The following SSC5D variants were observed in gnomAD, a reference collection of about 807,000 sequenced individuals.
SSC5D encodes soluble scavenger receptor cysteine-rich domain-containing protein SSC5D.
SSC5D carries 106 observed loss-of-function variants against 104.6 expected under a neutral mutation model. The observed-to-expected ratio is 1.01, with a 90% CI of 0.87 to 1.19. The LOEUF (loss-of-function observed/expected upper bound fraction) is 1.19. Among genes scored for constraint, SSC5D ranks in the 50% most tolerant of loss-of-function variants. SSC5D has a pLI of 0.00. For synonymous variants in SSC5D, 860 were observed against 883.5 expected, an observed-to-expected ratio of 0.97 and a Z score of 0.47; for missense variants, 1,993 against 2,153.8, an observed-to-expected ratio of 0.93 and a Z score of 1.48.
intron 12 of SSC5D, among the ~76,000 whole-genome samples, chr19:55,509,838 G>A (rs147832604): frequency 0.011 from 983 of 86,648 alleles, 14 homozygotes; most frequent in African/African-American, 0.043. Flanking sequence ...CAACAAGAGC[G>A]AAACTCTGTC....
rs568020993 is a variant in SSC5D at position 55,518,747 on chromosome 19, G to A, written c.4471G>A (p.Val1491Met). Residue 1491 changes from valine (V) to methionine (M), a missense_variant, in exon 14 of 14, where the codon GTG (valine) becomes ATG (methionine). By Grantham distance (21) the Val-to-Met change is conservative. Coordinates refer to ENST00000389623, the MANE Select transcript of SSC5D (RefSeq NM_001144950.2). ...CATGGCTTGTGAGCCACCTGCCCTG[G>A]TGGAGCTGGTGGCTGCTGTGAGGGA... ...RVMACEPPAL[V>M]ELVAAVRDVG... is the part of the protein sequence containing the mutation. The A allele has an allele frequency of 9.0e-6, 14 of 1,550,892 alleles. No homozygotes were observed. The highest frequency in any genetic ancestry group is 1.7e-4 in the Middle Eastern group (1 of 5,992).
intron 12 of SSC5D, among the ~76,000 whole-genome samples, chr19:55,509,488 C>A (rs1179893913): frequency 6.6e-6 from 1 of 152,080 alleles, no homozygotes; most frequent in East Asian, 1.9e-4. Flanking sequence ...TAGATTAATA[C>A]CCAGCTGTAT....
At chr19:55,494,497 A>G in intron 7 of SSC5D, 113 bp from the exon 8 acceptor site, 1 of 1,202,140 alleles carries the variant, frequency 8.3e-7, no homozygotes, top group Admixed American at 2.9e-5. Context: ...CGGCAGGAAG[A>G]GATCTCTGCG....
At chr19:55,490,160 C>T in intron 4 of SSC5D, 138 bp from the exon 5 acceptor site, 1 of 612,742 alleles carries the variant, frequency 1.6e-6, no homozygotes, top group Non-Finnish European at 2.9e-6. Context: ...CACAGCCCGC[C>T]CCCTGCCCCG....
At chr19:55,516,081 G>C (rs920529212) in intron 13 of SSC5D, among the ~76,000 whole-genome samples, 1 of 151,614 alleles carries the variant, frequency 6.6e-6, no homozygotes, top group Non-Finnish European at 1.5e-5. Context: ...TGCTACTCAG[G>C]CCCAAAATTT....
At chr19:55,509,556 C>A (rs1008146086) in intron 12 of SSC5D, among the ~76,000 whole-genome samples, 3 of 80,846 alleles carry the variant, frequency 3.7e-5, no homozygotes, top group Non-Finnish European at 4.9e-5. Flanking sequence ...TTATGTGTAT[C>A]TTTTTATTCT....
intron 12 of SSC5D, among the ~76,000 whole-genome samples, chr19:55,504,999 A>G (rs1442138207): frequency 6.7e-6 from 1 of 148,302 alleles, no homozygotes; most frequent in Non-Finnish European, 1.5e-5. Flanking sequence ...GTTTTAAGTG[A>G]TTTCACACGT....
chr19:55,511,850 T>TG (rs985984645), intron 12 of SSC5D, among the ~76,000 whole-genome samples: 1 of 152,136 alleles, frequency 6.6e-6, no homozygotes, highest in African/African-American at 2.4e-5. Flanking sequence ...AGGATCAGTG[T>TG]GGGGGGCCAG....
At position 55,517,398 on chromosome 19, in the gene SSC5D, C is replaced by T. The variant is rs763442154; in HGVS notation, c.3122C>T (p.Thr1041Ile). 1 of 1,550,906 alleles carries T rather than the reference C, an allele frequency of 6.4e-7. No homozygotes were observed. The highest frequency in any genetic ancestry group is 8.7e-7 in the Non-Finnish European group (1 of 1,146,962). ...TPHSALTSEA[T>I]SDAPDTSPPT... ...CACTCAGCCTTGACGTCCGAGGCGA[C>T]CTCTGACGCTCCGGACACTTCACCA... Residue 1041 changes from threonine (T) to isoleucine (I), a missense_variant, in exon 14 of 14, where the codon ACC becomes ATC. Thr to Ile is a moderately conservative substitution (Grantham distance 89). Around this residue, in one of 6 missense-constraint regions of SSC5D, gnomAD observed 423 missense variants for 409.2 expected, o/e 1.03. Coordinates refer to ENST00000389623, the MANE Select transcript of SSC5D (RefSeq NM_001144950.2).
rs1207956646 is a variant in SSC5D at position 55,500,100 on chromosome 19, A to G, written c.1990A>G (p.Thr664Ala). ...AAGCCCCCCAGACCTAACCTCACAG[A>G]CCACTGCAGCACTGACCACTGAGGC... ...AQSPPDLTSQ[T>A]TAALTTEASR... is the part of the protein sequence containing the mutation. The change falls in exon 10 of 14, where the codon ACC becomes GCC. Residue 664 changes from threonine to alanine, a missense_variant. By Grantham distance (58) the Thr-to-Ala change is moderately conservative. This residue lies in a region of SSC5D where 1,101 missense variants were observed against 1,085.0 expected (regional missense o/e 1.01). Coordinates refer to ENST00000389623, the MANE Select transcript of SSC5D (RefSeq NM_001144950.2). The surrounding 1 kb of genome is among the most constrained non-coding windows in gnomAD (Gnocchi z 4.6). 1 of 1,551,538 alleles carries G rather than the reference A, an allele frequency of 6.4e-7. No homozygotes were observed. The highest frequency in any genetic ancestry group is 2.4e-5 in the East Asian group (1 of 40,918).
chr19:55,507,999 G>T (rs12461034), intron 12 of SSC5D, among the ~76,000 whole-genome samples: 33,430 of 152,030 alleles, frequency 0.22, 3,907 homozygotes, highest in East Asian at 0.35. Context: ...CTGAGTGATG[G>T]GTTGGGGACA....
At chr19:55,492,651 G>C (rs1433723962) in intron 6 of SSC5D, 3 of 152,060 alleles carry the variant, frequency 2.0e-5, no homozygotes, top group Non-Finnish European at 4.4e-5. Context: ...GTGATTGGGG[G>C]CAATTCTGCA....
chr19:55,489,071 C>CG, intron 2 of SSC5D, 39 bp downstream of exon 2: 1 of 1,096,964 alleles, frequency 9.1e-7, no homozygotes, highest in East Asian at 3.9e-5. Context: ...CGCCCCCCCC[C>CG]CCAGGCCTCC....
Position 55,489,500 on chromosome 19 carries a change from C to G in SSC5D, c.199C>G (p.Leu67Val). The change falls in exon 3 of 14, where the codon CTG becomes GTG. Residue 67 changes from leucine to valine, a missense_variant. Around this residue, in one of 6 missense-constraint regions of SSC5D, gnomAD observed 1,101 missense variants for 1,085.0 expected, o/e 1.01. Coordinates refer to ENST00000389623, the MANE Select transcript of SSC5D (RefSeq NM_001144950.2). Reference sequence around the variant, plus strand: ...CCGGCAGCTGGGCTGCGGAGGGGCACTGGCCGCCCCGGGAGGCGCCTTCTT... The same window carrying G: ...CCGGCAGCTGGGCTGCGGAGGGGCAGTGGCCGCCCCGGGAGGCGCCTTCTT... ...ACRQLGCGGA[L>V]AAPGGAFFGE... 1.4e-6 allele frequency: 2 copies of G among 1,469,816 alleles called. No individual in the cohort carries two copies. The highest frequency in any genetic ancestry group is 1.4e-5 in the African/African-American group (1 of 70,066). 91.0% of individuals were successfully genotyped at this position (1,469,816 alleles called of 1,614,324 possible).
intron 6 of SSC5D, chr19:55,492,994 C>T (rs969753200): frequency 3.3e-5 from 5 of 152,318 alleles, no homozygotes; most frequent in South Asian, 2.1e-4. Flanking sequence ...TGCACCATTG[C>T]ACTCCAGCCT....
At position 55,494,700 on chromosome 19, in the gene SSC5D, T is replaced by C; in HGVS notation, c.1304T>C (p.Met435Thr). ...GCTGCCTCCAGGCCCCCGTCCACCA[T>C]GACGAGCCAGGCTCCAGGGACGGCA... ...REAASRPPST[M>T]TSQAPGTAGV... The change falls in exon 8 of 14, where the codon ATG becomes ACG. Residue 435 changes from methionine (M) to threonine (T), a missense_variant. Physicochemically the swap from Met to Thr is moderately conservative, Grantham distance 81. Coordinates refer to ENST00000389623, the MANE Select transcript of SSC5D (RefSeq NM_001144950.2). 2 of 1,550,416 alleles carry C rather than the reference T, an allele frequency of 1.3e-6. No individual in the cohort carries two copies. Among genetic ancestry groups the C allele is most frequent in the Middle Eastern group, 1.7e-4 (1 of 5,982 alleles).
In SSC5D at chr19:55,517,720, C is replaced by G. The variant is rs1260953078; in HGVS notation, c.3444C>G (p.Ser1148Arg). ...EYSRSPDPSP[S>R]PHPTTTPDPT... ...CTAGATCCCCAGACCCCTCCCCAAG[C>G]CCTCACCCCACTACTACCCCTGATC... The change falls in exon 14 of 14, where the codon AGC becomes AGG. Residue 1148 changes from serine to arginine, a missense_variant. This residue lies in a region of SSC5D where 423 missense variants were observed against 409.2 expected (regional missense o/e 1.03). Coordinates refer to ENST00000389623, the MANE Select transcript of SSC5D (RefSeq NM_001144950.2). 1.3e-6 allele frequency: 2 copies of G among 1,550,244 alleles called. No homozygotes were observed. Among genetic ancestry groups the G allele is most frequent in the Non-Finnish European group, 1.7e-6 (2 of 1,146,464 alleles).
chr19:55,501,267 T>C (rs1599922061), intron 12 of SSC5D, 66 bp downstream of exon 12: 3 of 1,452,936 alleles, frequency 2.1e-6, no homozygotes, highest in African/African-American at 1.4e-5. Context: ...CCCTGCAGGG[T>C]TTCCAGAAAG....
At chr19:55,509,007 G>A (rs1163141126) in intron 12 of SSC5D, among the ~76,000 whole-genome samples, 1 of 152,110 alleles carries the variant, frequency 6.6e-6, no homozygotes, top group African/African-American at 2.4e-5. Flanking sequence ...AACTCCTAAA[G>A]GATGAATAAA....
Sources: allele counts gnomAD v4.1 joint callset (sites outside exome capture counted in the v4.1 genomes callset), GRCh38; gene constraint gnomAD v4.1.1; regional missense constraint gnomAD v4.1.1; non-coding constraint Gnocchi (gnomAD v3.1); transcripts MANE v1.5; gene names NCBI Gene and HGNC (gene_info 2026-07-23, HGNC 2026-07-21).